FBXO31: variants seen among roughly 807,000 people sequenced by gnomAD.
FBXO31 encodes F-box only protein 31.
Under a neutral mutation model 54.4 loss-of-function variants are expected in FBXO31, and 24 were observed. The observed-to-expected ratio is 0.44, with a 90% confidence interval of 0.32 to 0.62. The LOEUF (loss-of-function observed/expected upper bound fraction) is 0.62, where lower values mean the gene tolerates loss of function less well. Among genes scored for constraint, FBXO31 ranks in the 20% least tolerant of loss-of-function variants. The probability of loss-of-function intolerance (pLI) is 0.05; values close to 1 mark genes in which losing one functional copy is unlikely to be tolerated. For missense variants in FBXO31, 665 were observed against 787.1 expected, an observed-to-expected ratio of 0.84 and a Z score of 1.86; for synonymous variants, 388 against 335.6, an observed-to-expected ratio of 1.16 and a Z score of -1.71.
At chr16:87,343,563 G>T (rs1327296250) in intron 4 of FBXO31, 35 bp downstream of exon 4, 1 of 1,564,538 alleles carries the variant, frequency 6.4e-7, no homozygotes, top group Non-Finnish European at 8.7e-7. Flanking sequence ...GACAGCCCTG[G>T]GACAGTGAGG....
At chr16:87,380,742 G>A (rs534748361) in intron 1 of FBXO31, among the ~76,000 whole-genome samples, 2 of 152,212 alleles carry the variant, frequency 1.3e-5, no homozygotes, top group African/African-American at 2.4e-5. Context: ...GGTGTCTGGT[G>A]TCCCAGGACA....
intron 5 of FBXO31, among the ~76,000 whole-genome samples, chr16:87,339,132 T>A (rs532662822): frequency 2.2e-4 from 34 of 152,364 alleles, no homozygotes; most frequent in African/African-American, 7.9e-4. Flanking sequence ...TATGTCTTTA[T>A]CAGCAGCGTG....
chr16:87,339,214 C>G (rs1009903836), intron 5 of FBXO31, among the ~76,000 whole-genome samples: 5 of 152,194 alleles, frequency 3.3e-5, no homozygotes, highest in South Asian at 2.1e-4. Flanking sequence ...GAATTCCTGT[C>G]CCTGATCTTT....
intron 1 of FBXO31, among the ~76,000 whole-genome samples, chr16:87,365,943 G>A (rs1181356663): frequency 6.6e-6 from 1 of 152,136 alleles, no homozygotes; most frequent in Admixed American, 6.5e-5. Context: ...CAGAAGAATC[G>A]CTGGGAATCC....
At chr16:87,376,512 T>C (rs1472489368) in intron 1 of FBXO31, among the ~76,000 whole-genome samples, 1 of 152,188 alleles carries the variant, frequency 6.6e-6, no homozygotes, top group Non-Finnish European at 1.5e-5. Flanking sequence ...TGACCTCATA[T>C]GATCTGCCCA....
chr16:87,368,706 T>C (rs902235248), intron 1 of FBXO31, among the ~76,000 whole-genome samples: 5 of 151,764 alleles, frequency 3.3e-5, no homozygotes, highest in Non-Finnish European at 7.4e-5. Flanking sequence ...GAGGAACAGA[T>C]AACCTCAGTC....
chr16:87,375,540 C>T (rs1217915051), intron 1 of FBXO31, among the ~76,000 whole-genome samples: 1 of 152,080 alleles, frequency 6.6e-6, no homozygotes, highest in Non-Finnish European at 1.5e-5. Context: ...AATGGGCTGG[C>T]ATTTCACAAC....
At chr16:87,375,220 T>C (rs1017668541) in intron 1 of FBXO31, among the ~76,000 whole-genome samples, 1 of 152,104 alleles carries the variant, frequency 6.6e-6, no homozygotes, top group East Asian at 1.9e-4. Flanking sequence ...GGCAGGAGAA[T>C]GGCGTGAACC....
chr16:87,389,344 C>T (rs998463763), intron 1 of FBXO31, among the ~76,000 whole-genome samples: 1 of 152,098 alleles, frequency 6.6e-6, no homozygotes, highest in African/African-American at 2.4e-5. Flanking sequence ...GACTTCAGTC[C>T]TATATTTCAA....
Position 87,383,227 on chromosome 16 carries a change from C to T in FBXO31, c.340+178G>A, listed in dbSNP as rs944944438. 7.9e-5 allele frequency among the ~76,000 whole-genome samples: 12 copies of T among 152,054 alleles called. No homozygotes were observed. The highest frequency in any genetic ancestry group is 6.5e-5 in the Admixed American group (1 of 15,278). The stretch of plus-strand genomic sequence containing the variant: ...CCGCCTCAAATACCTCCCTGGCCCC[C>T]TCAACGTGGTGTCACCGCGGCCGCT... On this transcript the variant is annotated intron_variant, in intron 1 of 8. Transcript: ENST00000311635. The surrounding 1 kb of genome is among the most constrained non-coding windows in gnomAD (Gnocchi z 4.9).
chr16:87,368,500 T>G (rs1906460107), intron 1 of FBXO31, among the ~76,000 whole-genome samples: 1 of 152,136 alleles, frequency 6.6e-6, no homozygotes, highest in African/African-American at 2.4e-5. Flanking sequence ...GCTGCACAGA[T>G]CCAACCCAAC....
rs1248278885 is a variant in FBXO31 at position 87,335,487 on chromosome 16, G to T, written c.843-30C>A. 11 of 1,510,854 alleles carry T rather than the reference G, an allele frequency of 7.3e-6. No individual in the cohort carries two copies. Among genetic ancestry groups the T allele is most frequent in the Non-Finnish European group, 9.8e-6 (11 of 1,119,478 alleles). The allele number at this position is 1,510,854 out of a possible 1,614,324, so 93.6% of individuals were successfully genotyped here. On this transcript the variant is annotated intron_variant, in intron 6 of 8. Coordinates refer to ENST00000311635, the MANE Select transcript of FBXO31 (RefSeq NM_024735.5). This position sits in a 1 kb window ranked among gnomAD's most constrained non-coding sequence, Gnocchi z 5.7. ...GGGGAGCGGACGGGTCAGTACAGGA[G>T]ACCTCGTGGGGCAGGCAGGACTGAG...
Position 87,336,071 on chromosome 16 carries a change from G to A in FBXO31, c.842+84C>T, listed in dbSNP as rs962826990. On this transcript the variant is annotated intron_variant, in intron 6 of 8. Coordinates refer to ENST00000311635, the MANE Select transcript of FBXO31 (RefSeq NM_024735.5). The surrounding 1 kb of genome is among the most constrained non-coding windows in gnomAD (Gnocchi z 6.5). ...AGCACCCACTGAGACAAAGGACTAT[G>A]CCCCAGCACCCACCGGGACAGGGCT... The A allele has an allele frequency of 5.2e-6, 6 of 1,148,034 alleles. No homozygotes were observed. In the African/African-American group the frequency reaches 9.2e-5, roughly 18 times the overall value. 71.1% of individuals were successfully genotyped at this position (1,148,034 alleles called of 1,614,324 possible). A position where few individuals can be genotyped will look rare whatever the true frequency, so the allele number is the denominator to read the frequency against.
intron 7 of FBXO31, 71 bp from the exon 8 acceptor site, chr16:87,334,357 C>T (rs1427448738): frequency 7.1e-7 from 1 of 1,406,164 alleles, no homozygotes; most frequent in Non-Finnish European, 9.6e-7. Context: ...GGGCTCCAGC[C>T]CAGATCCACC....
At chr16:87,347,314 A>G in intron 2 of FBXO31, 64 bp from the exon 3 acceptor site, 1 of 1,409,688 alleles carries the variant, frequency 7.1e-7, no homozygotes, top group South Asian at 1.1e-5. Flanking sequence ...GAGCCCAGGA[A>G]CCCCGAGAGG....
Position 87,383,588 on chromosome 16 carries a change from C to A in FBXO31, c.157G>T (p.Gly53Cys). 1 of 1,479,944 alleles carries A rather than the reference C, an allele frequency of 6.8e-7. No individual in the cohort carries two copies. The highest frequency in any genetic ancestry group is 8.9e-7 in the Non-Finnish European group (1 of 1,121,204). The allele number at this position is 1,479,944 out of a possible 1,614,324, so 91.7% of individuals were successfully genotyped here. The change falls in exon 1 of 9, where the codon GGC (glycine) becomes TGC (cysteine). Residue 53 changes from glycine to cysteine, a missense_variant. Gly to Cys is a radical substitution (Grantham distance 159). Transcript: ENST00000311635. The surrounding 1 kb of genome is among the most constrained non-coding windows in gnomAD (Gnocchi z 4.9). Reference protein sequence around the residue: ...RIEASAGVGGGLCAGPSPPPP... With the variant: ...RIEASAGVGGCLCAGPSPPPP... ...GGCGGCGAGGGGCCCGCGCACAAGC[C>A]GCCCCCGACCCCGGCGCTAGCCTCG...
intron 1 of FBXO31, among the ~76,000 whole-genome samples, chr16:87,370,873 T>C (rs778230414): frequency 2.0e-5 from 3 of 152,138 alleles, no homozygotes; most frequent in Admixed American, 1.3e-4. Flanking sequence ...TTACAATCCA[T>C]AGGAAACATG....
intron 2 of FBXO31, among the ~76,000 whole-genome samples, chr16:87,351,626 T>A (rs1450092401): frequency 6.6e-6 from 1 of 152,166 alleles, no homozygotes; most frequent in African/African-American, 2.4e-5. Flanking sequence ...CCCAGAACTT[T>A]AGGAGGCCGA....
chr16:87,386,354 T>G (rs776101708), upstream of FBXO31: 14 of 152,260 alleles, frequency 9.2e-5, no homozygotes, highest in Non-Finnish European at 1.9e-4. Flanking sequence ...GGAAGCCAAC[T>G]CAGGCTTCAG....
Sources: gnomAD v4.1 joint callset for allele counts (sites outside exome capture counted in the v4.1 genomes callset) on GRCh38, gnomAD v4.1.1 for gene constraint, Gnocchi (gnomAD v3.1) non-coding constraint, MANE v1.5 for transcripts, NCBI Gene and HGNC (gene_info 2026-07-23, HGNC 2026-07-21) for gene names.